SLC71A2: variants seen among roughly 807,000 people sequenced by gnomAD.
SLC71A2 encodes the protein hippocampus abundant transcript-like 1.
the SLC71A2 span, among the ~76,000 whole-genome samples, chr9:94,430,915 T>C: frequency 1.3e-5 from 2 of 152,126 alleles, no homozygotes; most frequent in African/African-American, 4.8e-5. Flanking sequence ...TATTTTTTAG[T>C]CTCTTATAGT....
the SLC71A2 span, among the ~76,000 whole-genome samples, chr9:94,406,821 G>C: frequency 6.6e-6 from 1 of 152,070 alleles, no homozygotes; most frequent in East Asian, 1.9e-4. Flanking sequence ...AATTTTTAGG[G>C]TCTTATGAGA....
the SLC71A2 span, among the ~76,000 whole-genome samples, chr9:94,396,044 A>G: frequency 6.6e-6 from 1 of 151,638 alleles, no homozygotes. Context: ...GTATTATAGG[A>G]GGAGGATGTG....
the SLC71A2 span, among the ~76,000 whole-genome samples, chr9:94,399,233 T>C: frequency 6.6e-6 from 1 of 152,180 alleles, no homozygotes; most frequent in Non-Finnish European, 1.5e-5. Flanking sequence ...GATTACAAGA[T>C]ACTCCACGCT....
the SLC71A2 span, among the ~76,000 whole-genome samples, chr9:94,426,324 G>T: frequency 1.3e-5 from 2 of 152,000 alleles, no homozygotes; most frequent in African/African-American, 4.8e-5. Context: ...AGACACCAGG[G>T]AGCTTACTTT....
the SLC71A2 span, among the ~76,000 whole-genome samples, chr9:94,452,671 ATATATTCATATATTCATATATATTCAT>A: frequency 3.7e-5 from 2 of 54,100 alleles, no homozygotes; most frequent in African/African-American, 1.8e-4. Context: ...ATATATTCAT[ATATATTCATATATTCATATATATTCAT>A]ATATTCATAT....
the SLC71A2 span, among the ~76,000 whole-genome samples, chr9:94,446,031 G>GT: frequency 6.6e-6 from 1 of 152,208 alleles, no homozygotes; most frequent in Non-Finnish European, 1.5e-5. Flanking sequence ...TAGTGATCAA[G>GT]TTATGCATCA....
the SLC71A2 span, chr9:94,454,116 C>A: frequency 7.5e-7 from 1 of 1,328,796 alleles, no homozygotes; most frequent in Non-Finnish European, 1.1e-6. Flanking sequence ...ACAGATGCCT[C>A]TTAGAGGAGC....
At chr9:94,444,360 A>C in the SLC71A2 span, among the ~76,000 whole-genome samples, 1 of 152,240 alleles carries the variant, frequency 6.6e-6, no homozygotes, top group Non-Finnish European at 1.5e-5. Flanking sequence ...ACAGCTGTCT[A>C]GTCAAAAAGC....
At chr9:94,397,149 A>G in the SLC71A2 span, among the ~76,000 whole-genome samples, 1 of 152,132 alleles carries the variant, frequency 6.6e-6, no homozygotes. Context: ...TTGTCCATTT[A>G]TTTTTTAAAA....
At chr9:94,395,794 CT>C in the SLC71A2 span, among the ~76,000 whole-genome samples, 68 of 152,252 alleles carry the variant, frequency 4.5e-4, no homozygotes, top group African/African-American at 1.6e-3. Flanking sequence ...ATCTCCGGAC[CT>C]AGTGAGCTCT....
At chr9:94,451,948 G>A in the SLC71A2 span, among the ~76,000 whole-genome samples, 1 of 152,210 alleles carries the variant, frequency 6.6e-6, no homozygotes, top group South Asian at 2.1e-4. Context: ...AAGCCACAGT[G>A]GTTCCCCATC....
At chr9:94,440,884 T>TA in the SLC71A2 span, 2 of 649,930 alleles carry the variant, frequency 3.1e-6, no homozygotes, top group Admixed American at 2.6e-5. Flanking sequence ...CAAGTATACT[T>TA]ATTTCTTGGT....
the SLC71A2 span, among the ~76,000 whole-genome samples, chr9:94,385,570 C>A: frequency 6.6e-6 from 1 of 152,032 alleles, no homozygotes; most frequent in Non-Finnish European, 1.5e-5. Flanking sequence ...AGGGGTCCAG[C>A]TTTACTCTTT....
chr9:94,410,813 T>C, the SLC71A2 span, among the ~76,000 whole-genome samples: 7 of 152,266 alleles, frequency 4.6e-5, no homozygotes, highest in Admixed American at 6.5e-5. Context: ...TCCCCCAGGC[T>C]GGAGTGCAGT....
chr9:94,444,314 G>A, the SLC71A2 span, among the ~76,000 whole-genome samples: 255 of 152,252 alleles, frequency 1.7e-3, no homozygotes, highest in Non-Finnish European at 2.7e-3. Flanking sequence ...TCTCTATACT[G>A]GATAGGGTCA....
At chr9:94,447,260 A>G in the SLC71A2 span, among the ~76,000 whole-genome samples, 309 of 151,958 alleles carry the variant, frequency 2.0e-3, no homozygotes, top group African/African-American at 7.1e-3. Context: ...GCTCACTGCA[A>G]CCTCTACCTT....
At chr9:94,459,626 A>G in the SLC71A2 span, 1 of 507,978 alleles carries the variant, frequency 2.0e-6, no homozygotes, top group Non-Finnish European at 3.5e-6. Flanking sequence ...ACATTAGAAC[A>G]AGATAAGATT....
chr9:94,409,505 T>C, the SLC71A2 span, among the ~76,000 whole-genome samples: 8 of 152,142 alleles, frequency 5.3e-5, no homozygotes, highest in Non-Finnish European at 1.2e-4. Flanking sequence ...GTATCTGCTC[T>C]GATCTTTCTT....
chr9:94,425,611 G>A, the SLC71A2 span, among the ~76,000 whole-genome samples: 3 of 152,096 alleles, frequency 2.0e-5, no homozygotes, highest in African/African-American at 7.2e-5. Context: ...TCCATTAAGT[G>A]CAGGGTCTGC....
Sources: allele counts gnomAD v4.1 joint callset (sites outside exome capture counted in the v4.1 genomes callset), GRCh38; gene constraint gnomAD v4.1.1; transcripts MANE v1.5; gene names NCBI Gene and HGNC (gene_info 2026-07-23, HGNC 2026-07-21).